Variants in REDIC1 observed in about 807,000 individuals in gnomAD.
REDIC1 encodes the protein regulator of DNA class I crossover intermediates 1.
chr12:39,889,464 T>TAGTC, the REDIC1 span, among the ~76,000 whole-genome samples: 1 of 151,898 alleles, frequency 6.6e-6, no homozygotes, highest in Middle Eastern at 3.4e-3. Flanking sequence ...ATTTGCAAGG[T>TAGTC]AGTCATATAC....
chr12:39,891,484 C>A, the REDIC1 span, among the ~76,000 whole-genome samples: 16 of 152,130 alleles, frequency 1.1e-4, no homozygotes, highest in Admixed American at 2.6e-4. Flanking sequence ...CTTAAGAAAG[C>A]ATATGAAAAT....
chr12:39,710,853 ATAAAG>A, the REDIC1 span, among the ~76,000 whole-genome samples: 303 of 151,736 alleles, frequency 2.0e-3, 3 homozygotes, highest in South Asian at 0.023. Context: ...AGTGCCTTAC[ATAAAG>A]TAGTTACTCA....
At chr12:39,751,507 A>C in the REDIC1 span, among the ~76,000 whole-genome samples, 1 of 152,190 alleles carries the variant, frequency 6.6e-6, no homozygotes, top group Non-Finnish European at 1.5e-5. Context: ...TTCCTCAAGG[A>C]TCTAGAACTA....
chr12:39,687,783 G>A, the REDIC1 span, among the ~76,000 whole-genome samples: 1 of 152,196 alleles, frequency 6.6e-6, no homozygotes, highest in Non-Finnish European at 1.5e-5. Context: ...CACTGCTTAT[G>A]TAATGTTATA....
At chr12:39,896,279 CATGTATGTAT>C in the REDIC1 span, among the ~76,000 whole-genome samples, 2 of 79,964 alleles carry the variant, frequency 2.5e-5, no homozygotes, top group Admixed American at 1.3e-4. Flanking sequence ...TATATGTATA[CATGTATGTAT>C]ATGTGTGTAT....
chr12:39,895,584 G>T, the REDIC1 span, among the ~76,000 whole-genome samples: 1 of 122,328 alleles, frequency 8.2e-6, no homozygotes, highest in Non-Finnish European at 1.7e-5. Context: ...ATGTATATGT[G>T]TATATATATG....
chr12:39,640,183 G>A, the REDIC1 span, among the ~76,000 whole-genome samples: 1 of 151,744 alleles, frequency 6.6e-6, no homozygotes, highest in Admixed American at 6.6e-5. Flanking sequence ...AAGGTGATTG[G>A]GTCACAGGGG....
the REDIC1 span, among the ~76,000 whole-genome samples, chr12:39,779,834 A>T: frequency 6.6e-6 from 1 of 152,166 alleles, no homozygotes; most frequent in Non-Finnish European, 1.5e-5. Context: ...TTCTGATTTT[A>T]TTTTCTTTCC....
the REDIC1 span, among the ~76,000 whole-genome samples, chr12:39,798,697 A>G: frequency 6.6e-6 from 1 of 152,188 alleles, no homozygotes; most frequent in African/African-American, 2.4e-5. Flanking sequence ...GACAGATCAC[A>G]TCCATTCCAG....
chr12:39,682,403 A>AT, the REDIC1 span, among the ~76,000 whole-genome samples: 1 of 152,106 alleles, frequency 6.6e-6, no homozygotes, highest in Non-Finnish European at 1.5e-5. Flanking sequence ...GCCGTAGATT[A>AT]TTTTCTTACT....
the REDIC1 span, among the ~76,000 whole-genome samples, chr12:39,878,526 G>A: frequency 6.8e-4 from 104 of 152,298 alleles, 1 homozygote; most frequent in Middle Eastern, 0.01. Flanking sequence ...TGTGTCAGGG[G>A]TCTGTGAAAG....
chr12:39,669,275 A>G, the REDIC1 span, among the ~76,000 whole-genome samples: 278 of 152,310 alleles, frequency 1.8e-3, no homozygotes, highest in African/African-American at 5.9e-3. Context: ...TCTAACAGTC[A>G]GGACCCTCAG....
chr12:39,712,827 G>A, the REDIC1 span, among the ~76,000 whole-genome samples: 1 of 140,644 alleles, frequency 7.1e-6, no homozygotes, highest in Non-Finnish European at 1.6e-5. Flanking sequence ...ATGTGTGTAT[G>A]TATATACATA....
At chr12:39,684,919 C>T in the REDIC1 span, 1 of 1,610,726 alleles carries the variant, frequency 6.2e-7, no homozygotes, top group Non-Finnish European at 8.5e-7. Flanking sequence ...GGACTTTGGA[C>T]TTGATGAGGT....
At chr12:39,754,105 C>T in the REDIC1 span, among the ~76,000 whole-genome samples, 1 of 152,046 alleles carries the variant, frequency 6.6e-6, no homozygotes. Context: ...AAAAGATGTT[C>T]CAAAGGAGGA....
At chr12:39,644,646 G>A in the REDIC1 span, among the ~76,000 whole-genome samples, 2 of 151,626 alleles carry the variant, frequency 1.3e-5, no homozygotes, top group Non-Finnish European at 2.9e-5. Context: ...GTTTACACAA[G>A]TAAATTTAGT....
chr12:39,877,004 A>G, the REDIC1 span, among the ~76,000 whole-genome samples: 3 of 152,178 alleles, frequency 2.0e-5, no homozygotes, highest in South Asian at 4.1e-4. Context: ...TGCTATAAAT[A>G]TATATATTTT....
At chr12:39,838,676 C>T in the REDIC1 span, among the ~76,000 whole-genome samples, 2 of 152,008 alleles carry the variant, frequency 1.3e-5, no homozygotes, top group South Asian at 2.1e-4. Flanking sequence ...AAAGGATGGC[C>T]TATTTTCATT....
At chr12:39,647,753 A>G in the REDIC1 span, 3 of 1,313,544 alleles carry the variant, frequency 2.3e-6, no homozygotes, top group Non-Finnish European at 2.0e-6. Context: ...TAGTTTATAT[A>G]TTTTGGTAAT....
Sources: allele counts gnomAD v4.1 joint callset (sites outside exome capture counted in the v4.1 genomes callset), GRCh38; gene constraint gnomAD v4.1.1; transcripts MANE v1.5; gene names NCBI Gene and HGNC (gene_info 2026-07-23, HGNC 2026-07-21).